The following RHOT1 variants were observed in gnomAD, a reference collection of about 807,000 sequenced individuals.
RHOT1 encodes the protein mitochondrial Rho GTPase 1.
In RHOT1, 27 loss-of-function variants were observed where a neutral mutation model predicts 95.3. That is an observed-to-expected ratio of 0.28 (90% confidence interval 0.21 to 0.39). RHOT1 has a LOEUF of 0.39. RHOT1 is among the 10% of genes least tolerant of loss of function. RHOT1 has a pLI of 1.00. For missense variants in RHOT1, 578 were observed against 786.7 expected (o/e 0.73, Z 3.17); for synonymous variants, 227 against 263.5 (o/e 0.86, Z 1.34).
intron 1 of RHOT1, among the ~76,000 whole-genome samples, chr17:32,145,551 C>T (rs1045027023): frequency 1.2e-4 from 18 of 152,140 alleles, no homozygotes; most frequent in African/African-American, 4.1e-4. Context: ...GCAATATCTC[C>T]CTTAACCAGT....
At position 32,211,156 on chromosome 17, in the gene RHOT1, A is replaced by G; in HGVS notation, c.1780A>G (p.Thr594Ala). 1 of 1,612,106 alleles carries G rather than the reference A, an allele frequency of 6.2e-7. No individual in the cohort carries two copies. The change falls in exon 19 of 20, where the codon ACA (threonine) becomes GCA (alanine). Residue 594 changes from threonine (T) to alanine (A), a missense_variant. Thr to Ala is a moderately conservative substitution (Grantham distance 58). Transcript: ENST00000545287. ...LRCMCTCNRC[T>A]FCICQNFLNS... Reference sequence around the variant, plus strand: ...CTGTATGTGCACCTGCAACAGGTGTACATTTTGCATCTGTCAGAACTTCCT... The same window carrying G: ...CTGTATGTGCACCTGCAACAGGTGTGCATTTTGCATCTGTCAGAACTTCCT...
At chr17:32,172,764 A>G (rs1326989095) in intron 2 of RHOT1, among the ~76,000 whole-genome samples, 2 of 152,250 alleles carry the variant, frequency 1.3e-5, no homozygotes, top group African/African-American at 4.8e-5. Context: ...CCAGGGGCAG[A>G]GCTTGCAGTG....
chr17:32,222,180 C>A (rs900360507), intron 19 of RHOT1, among the ~76,000 whole-genome samples: 2 of 152,152 alleles, frequency 1.3e-5, no homozygotes, highest in African/African-American at 4.8e-5. Context: ...TCTAATGCAC[C>A]TTTACCTACG....
chr17:32,149,591 CTATATATATATA>C (rs1162059092), intron 1 of RHOT1, among the ~76,000 whole-genome samples: 602 of 52,670 alleles, frequency 0.011, 18 homozygotes, highest in African/African-American at 0.019. Context: ...CCCAGCAGTT[CTATATATATATA>C]TATATATATA....
At chr17:32,214,324 G>C (rs543781756) in intron 19 of RHOT1, among the ~76,000 whole-genome samples, 1 of 152,304 alleles carries the variant, frequency 6.6e-6, no homozygotes, top group Non-Finnish European at 1.5e-5. Flanking sequence ...TTGTTGTACA[G>C]GTCTGGTGTT....
intron 8 of RHOT1, among the ~76,000 whole-genome samples, chr17:32,191,101 GCTTT>G (rs1229568664): frequency 6.6e-6 from 1 of 151,978 alleles, no homozygotes; most frequent in Non-Finnish European, 1.5e-5. Flanking sequence ...AGCCTCAAAT[GCTTT>G]CTAAATGTTT....
chr17:32,156,339 T>C (rs1166740525), intron 1 of RHOT1, among the ~76,000 whole-genome samples: 1 of 152,164 alleles, frequency 6.6e-6, no homozygotes. Context: ...TGATCATGGC[T>C]CACTGCAGCC....
At chr17:32,154,819 C>T (rs2032765748) in intron 1 of RHOT1, among the ~76,000 whole-genome samples, 1 of 151,666 alleles carries the variant, frequency 6.6e-6, no homozygotes, top group Non-Finnish European at 1.5e-5. Context: ...TGCTTGAACC[C>T]AGGAGGCGGA....
Position 32,199,091 on chromosome 17 carries a change from T to C in RHOT1, c.954+60T>C. The C allele has an allele frequency of 3.1e-6, 4 of 1,284,142 alleles. No individual in the cohort carries two copies. In the South Asian group the frequency reaches 4.9e-5, roughly 16 times the overall value. The allele number at this position is 1,284,142 out of a possible 1,614,324, so 79.5% of individuals were successfully genotyped here. A position where few individuals can be genotyped will look rare whatever the true frequency, so the allele number is the denominator to read the frequency against. Reference sequence around the variant, plus strand: ...GTAAAACATTTTTCTATGGATGATATAACTCTGTTCCCTGAGCTATGGGAT... The same window carrying C: ...GTAAAACATTTTTCTATGGATGATACAACTCTGTTCCCTGAGCTATGGGAT... On this transcript the variant is annotated intron_variant, in intron 12 of 19. Coordinates refer to ENST00000545287, the MANE Select transcript of RHOT1 (RefSeq NM_001033566.3).
intron 19 of RHOT1, among the ~76,000 whole-genome samples, chr17:32,211,900 TAAGA>T (rs942910061): frequency 1.3e-5 from 2 of 152,000 alleles, no homozygotes; most frequent in Admixed American, 6.6e-5. Flanking sequence ...AACACGCTTT[TAAGA>T]AAGAAAGAGA....
At chr17:32,216,073 G>A (rs1267222173) in intron 19 of RHOT1, among the ~76,000 whole-genome samples, 1 of 152,034 alleles carries the variant, frequency 6.6e-6, no homozygotes. Context: ...ATTATATATA[G>A]ATGAGCTTGA....
At chr17:32,147,571 C>T (rs966490476) in intron 1 of RHOT1, among the ~76,000 whole-genome samples, 2 of 152,032 alleles carry the variant, frequency 1.3e-5, no homozygotes, top group Non-Finnish European at 2.9e-5. Context: ...CACCTGTAAT[C>T]CCACACTTTG....
chr17:32,161,189 T>C (rs2033515052), intron 1 of RHOT1, among the ~76,000 whole-genome samples: 1 of 152,082 alleles, frequency 6.6e-6, no homozygotes, highest in Admixed American at 6.6e-5. Flanking sequence ...TTTTCAAGGA[T>C]AGTTTGGTGG....
chr17:32,148,840 G>A (rs1275879259), intron 1 of RHOT1, among the ~76,000 whole-genome samples: 1 of 152,312 alleles, frequency 6.6e-6, no homozygotes, highest in East Asian at 1.9e-4. Flanking sequence ...TGTTATTTCT[G>A]CTTCATGAAT....
rs974187572 is a variant in RHOT1 at position 32,146,444 on chromosome 17, A to T, written c.37+3715A>T. 3.2e-4 allele frequency among the ~76,000 whole-genome samples: 48 copies of T among 151,092 alleles called. 1 individual carries two copies. The highest frequency in any genetic ancestry group is 5.6e-4 in the African/African-American group (23 of 41,224). On this transcript the variant is annotated intron_variant, in intron 1 of 19. Transcript: ENST00000545287. ...ATTTTTCTGTATTATTATTATTATT[A>T]TTTTTATTTTATTTTTTTTGAGATG... is the stretch of plus-strand genomic sequence containing the variant.
chr17:32,175,440 T>A, intron 4 of RHOT1, 78 bp downstream of exon 4: 1 of 1,327,804 alleles, frequency 7.5e-7, no homozygotes. Context: ...TTTTTCATTC[T>A]CTTTGTTTGT....
chr17:32,177,483 C>T (rs56108157), intron 6 of RHOT1, among the ~76,000 whole-genome samples: 27,746 of 151,982 alleles, frequency 0.18, 2,638 homozygotes, highest in South Asian at 0.26. Context: ...TTGCCAGGTG[C>T]GGTGGCTCAC....
At chr17:32,143,210 C>T in intron 1 of RHOT1, 1 of 435,874 alleles carries the variant, frequency 2.3e-6, no homozygotes. Context: ...CCCGGGGAAG[C>T]TGGGGGAGGG....
chr17:32,187,156 G>A (rs966915924), intron 8 of RHOT1, among the ~76,000 whole-genome samples: 9 of 151,758 alleles, frequency 5.9e-5, no homozygotes, highest in Non-Finnish European at 1.0e-4. Flanking sequence ...GCATATTGGC[G>A]CATACCTGTA....
Sources: allele counts gnomAD v4.1 joint callset (sites outside exome capture counted in the v4.1 genomes callset), GRCh38; gene constraint gnomAD v4.1.1; transcripts MANE v1.5; gene names NCBI Gene and HGNC (gene_info 2026-07-23, HGNC 2026-07-21).